Variants in BMP5 observed in about 807,000 individuals in gnomAD.
BMP5 encodes bone morphogenetic protein 5.
BMP5 carries 23 observed loss-of-function variants against 46.6 expected under a neutral mutation model. That is an observed-to-expected ratio of 0.49 (90% CI 0.35 to 0.70). The LOEUF (loss-of-function observed/expected upper bound fraction) is 0.70, where lower values mean the gene tolerates loss of function less well. BMP5 is among the 30% of genes least tolerant of loss of function. BMP5 has a pLI of 0.00. For missense variants in BMP5, 545 were observed against 565.6 expected (o/e 0.96, Z 0.37); for synonymous variants, 204 against 191.9 (o/e 1.06, Z -0.52).
At chr6:55,847,737 A>G (rs1396060418) in intron 1 of BMP5, among the ~76,000 whole-genome samples, 1 of 151,952 alleles carries the variant, frequency 6.6e-6, no homozygotes, top group Non-Finnish European at 1.5e-5. Flanking sequence ...ATTTTATAAA[A>G]TGTAGTCAAT....
In BMP5 at chr6:55,794,491, T is replaced by C; in HGVS notation, c.684-64A>G. The C allele has an allele frequency of 2.0e-6, 3 of 1,524,254 alleles. No individual in the cohort carries two copies. The South Asian group carries it at 3.4e-5, about 17-fold the overall frequency. 94.4% of individuals were successfully genotyped at this position (1,524,254 alleles called of 1,614,324 possible). On this transcript the variant is annotated intron_variant, in intron 2 of 6. Transcript: ENST00000370830. Reference sequence around the variant, plus strand: ...AAATGAACATCATTATTTCCTAGACTTAAGTGAAAACATTACAAAAGCAGT... The same window carrying C: ...AAATGAACATCATTATTTCCTAGACCTAAGTGAAAACATTACAAAAGCAGT...
chr6:55,811,395 T>A (rs1378963707), intron 2 of BMP5, among the ~76,000 whole-genome samples: 1 of 152,164 alleles, frequency 6.6e-6, no homozygotes, highest in East Asian at 1.9e-4. Context: ...TAGCACATTT[T>A]CTTTAGGGAA....
At chr6:55,824,179 C>T (rs559790902) in intron 1 of BMP5, among the ~76,000 whole-genome samples, 1 of 151,736 alleles carries the variant, frequency 6.6e-6, no homozygotes, top group African/African-American at 2.4e-5. Flanking sequence ...ACAAATTTGG[C>T]AAATATTAAG....
intron 1 of BMP5, among the ~76,000 whole-genome samples, chr6:55,835,596 T>C (rs1054429990): frequency 1.3e-5 from 2 of 152,194 alleles, no homozygotes; most frequent in African/African-American, 2.4e-5. Context: ...GACAGTACTG[T>C]TGTGTTTAAT....
intron 1 of BMP5, among the ~76,000 whole-genome samples, chr6:55,824,722 C>T (rs118150024): frequency 6.6e-6 from 1 of 151,888 alleles, no homozygotes; most frequent in East Asian, 1.9e-4. Flanking sequence ...GTAACAAACA[C>T]TTGTGTCAAT....
Position 55,754,130 on chromosome 6 carries a change from T to A in BMP5, c.*1403A>T, listed in dbSNP as rs1774520448. The A allele has an allele frequency of 6.6e-6, 1 of 151,978 alleles. No homozygotes were observed. The highest frequency in any genetic ancestry group is 2.4e-5 in the African/African-American group (1 of 41,438). The allele number at this position is 151,978 out of a possible 1,614,324, so 9.4% of individuals were successfully genotyped here. A position where few individuals can be genotyped will look rare whatever the true frequency, so the allele number is the denominator to read the frequency against. The stretch of plus-strand genomic sequence containing the variant: ...TTGAAAGATCCAAAAGGATGATTAA[T>A]AAATGGTGCTTTATGAATACTTTAG... On this transcript the variant is annotated 3_prime_UTR_variant, in exon 7 of 7. Coordinates refer to ENST00000370830, the MANE Select transcript of BMP5 (RefSeq NM_021073.4).
chr6:55,823,960 TA>T (rs1193342834), intron 1 of BMP5, among the ~76,000 whole-genome samples: 1 of 152,018 alleles, frequency 6.6e-6, no homozygotes, highest in Admixed American at 6.6e-5. Flanking sequence ...ATACTTTCAC[TA>T]CAACCATATG....
intron 6 of BMP5, among the ~76,000 whole-genome samples, chr6:55,758,096 A>T (rs931166249): frequency 6.6e-6 from 1 of 151,958 alleles, no homozygotes; most frequent in African/African-American, 2.4e-5. Context: ...AAGATTGTCT[A>T]CTATCTACTT....
intron 1 of BMP5, among the ~76,000 whole-genome samples, chr6:55,842,880 A>G (rs1776996053): frequency 6.6e-6 from 1 of 152,060 alleles, no homozygotes. Flanking sequence ...ACATTTATAT[A>G]TTTCTTAAAT....
intron 1 of BMP5, among the ~76,000 whole-genome samples, chr6:55,825,773 T>A (rs1776517512): frequency 6.6e-6 from 1 of 151,836 alleles, no homozygotes; most frequent in Non-Finnish European, 1.5e-5. Flanking sequence ...TCTGCAGTTT[T>A]AAGGAGATGC....
intron 1 of BMP5, among the ~76,000 whole-genome samples, chr6:55,857,430 C>T (rs1582125311): frequency 6.6e-6 from 1 of 152,108 alleles, no homozygotes; most frequent in South Asian, 2.1e-4. Flanking sequence ...GCCATACTTT[C>T]GCACTCTTTC....
chr6:55,862,746 C>T (rs948681786), intron 1 of BMP5, among the ~76,000 whole-genome samples: 1 of 152,034 alleles, frequency 6.6e-6, no homozygotes, highest in Non-Finnish European at 1.5e-5. Flanking sequence ...GTCACTGGAG[C>T]CTCCATACTA....
chr6:55,855,712 C>A (rs915984805), intron 1 of BMP5, among the ~76,000 whole-genome samples: 4 of 152,058 alleles, frequency 2.6e-5, no homozygotes, highest in African/African-American at 9.7e-5. Flanking sequence ...TGATATTTTT[C>A]TTTTGGTACC....
chr6:55,840,369 T>G (rs1776919559), intron 1 of BMP5, among the ~76,000 whole-genome samples: 2 of 152,170 alleles, frequency 1.3e-5, no homozygotes, highest in South Asian at 4.1e-4. Flanking sequence ...TGACTTATTT[T>G]CCTGGTGAAG....
intron 1 of BMP5, among the ~76,000 whole-genome samples, chr6:55,853,620 G>T (rs966345892): frequency 1.8e-4 from 27 of 152,132 alleles, no homozygotes; most frequent in African/African-American, 5.3e-4. Context: ...GAAAAAATTT[G>T]TGTTGAGCAA....
At chr6:55,827,389 T>TA (rs908505344) in intron 1 of BMP5, among the ~76,000 whole-genome samples, 26 of 150,668 alleles carry the variant, frequency 1.7e-4, no homozygotes, top group East Asian at 7.7e-4. Context: ...ATTATGGAGT[T>TA]AAAAAAAAAC....
intron 1 of BMP5, among the ~76,000 whole-genome samples, chr6:55,868,203 A>C (rs899954910): frequency 6.6e-6 from 1 of 152,182 alleles, no homozygotes; most frequent in Non-Finnish European, 1.5e-5. Context: ...TAGGATTTAC[A>C]TCTGTTGATC....
At chr6:55,867,499 T>A (rs1422754617) in intron 1 of BMP5, among the ~76,000 whole-genome samples, 1 of 152,154 alleles carries the variant, frequency 6.6e-6, no homozygotes, top group African/African-American at 2.4e-5. Flanking sequence ...CTTCTGGAAA[T>A]GCTGATACAT....
chr6:55,860,127 T>TTTAAA (rs1777495248), intron 1 of BMP5, among the ~76,000 whole-genome samples: 1 of 152,100 alleles, frequency 6.6e-6, no homozygotes, highest in African/African-American at 2.4e-5. Context: ...TTTTAAAAAT[T>TTTAAA]AGCCATGTGC....
Sources: gnomAD v4.1 joint callset for allele counts (sites outside exome capture counted in the v4.1 genomes callset) on GRCh38, gnomAD v4.1.1 for gene constraint, MANE v1.5 for transcripts, NCBI Gene and HGNC (gene_info 2026-07-23, HGNC 2026-07-21) for gene names.